The following ATAD3A variants were observed in gnomAD, a reference collection of about 807,000 sequenced individuals.
ATAD3A encodes the protein ATPase family AAA domain-containing protein 3A.
In ATAD3A, 46 loss-of-function variants were observed where a neutral mutation model predicts 73.8. That is an observed-to-expected ratio of 0.62 (90% CI 0.49 to 0.80). The LOEUF (loss-of-function observed/expected upper bound fraction) is 0.80. Ranked by LOEUF, ATAD3A falls within the 30% of genes least tolerant of loss-of-function variation. ATAD3A has a pLI of 0.00. For synonymous variants in ATAD3A, 319 were observed against 350.0 expected (o/e 0.91, Z 0.99); for missense variants, 705 against 838.0 (o/e 0.84, Z 1.96).
At chr1:1,514,147 G>C (rs192523565) in intron 1 of ATAD3A, among the ~76,000 whole-genome samples, 1 of 152,140 alleles carries the variant, frequency 6.6e-6, no homozygotes, top group African/African-American at 2.4e-5. Context: ...TCTAATAACC[G>C]AGAGGCCACA....
chr1:1,525,413 CTTTTTTT>C, intron 12 of ATAD3A, 122 bp downstream of exon 12: 3 of 745,684 alleles, frequency 4.0e-6, no homozygotes, highest in Non-Finnish European at 4.0e-6. Context: ...TGAAAAACAG[CTTTTTTT>C]TTTTTTTTTT....
intron 12 of ATAD3A, among the ~76,000 whole-genome samples, 160 bp downstream of exon 12, chr1:1,525,451 A>G (rs530248760): frequency 2.6e-4 from 35 of 136,382 alleles, no homozygotes; most frequent in African/African-American, 6.9e-4. Flanking sequence ...ATCTCGCTCT[A>G]TCACCCAGGC....
intron 1 of ATAD3A, among the ~76,000 whole-genome samples, chr1:1,514,515 C>G (rs1641293350): frequency 6.6e-6 from 1 of 152,190 alleles, no homozygotes. Context: ...TCACTGGGGC[C>G]CCCGAGGTTA....
At chr1:1,514,931 T>C (rs975629474) in intron 1 of ATAD3A, among the ~76,000 whole-genome samples, 11 of 152,162 alleles carry the variant, frequency 7.2e-5, no homozygotes, top group Admixed American at 6.5e-4. Flanking sequence ...TGGAGTGCAG[T>C]GGTGCAACCT....
At chr1:1,521,806 TCTC>T (rs1223216281) in intron 7 of ATAD3A, among the ~76,000 whole-genome samples, 4 of 152,160 alleles carry the variant, frequency 2.6e-5, no homozygotes, top group African/African-American at 9.7e-5. Flanking sequence ...TTCAAGCAGT[TCTC>T]CTGCCTCAGC....
chr1:1,523,749 G>C lies in ATAD3A; in HGVS notation c.964-90G>C. The C allele has an allele frequency of 5.0e-6, 8 of 1,597,708 alleles. No individual in the cohort carries two copies. Among genetic ancestry groups the C allele is most frequent in the Non-Finnish European group, 6.8e-6 (8 of 1,170,780 alleles). ...GAGGTGGGAGGCTTCCCGAGGAGCCGAGTCTGCACCCAGGCATTCCCGCAG... is the reference window on the plus strand; with the variant it reads ...GAGGTGGGAGGCTTCCCGAGGAGCCCAGTCTGCACCCAGGCATTCCCGCAG... On this transcript the variant is annotated intron_variant, in intron 9 of 15. Coordinates refer to ENST00000378756, the MANE Select transcript of ATAD3A (RefSeq NM_001170535.3). The surrounding 1 kb of genome is among the most constrained non-coding windows in gnomAD (Gnocchi z 5.1).
chr1:1,523,654 G>T lies in ATAD3A; in HGVS notation c.963+87G>T. 1 of 1,602,322 alleles carries T rather than the reference G, an allele frequency of 6.2e-7. No individual in the cohort carries two copies. Among genetic ancestry groups the T allele is most frequent in the South Asian group, 1.1e-5 (1 of 90,154 alleles). ...TGTGGCCCTTGCTGGCGCTCGTGGT[G>T]GCACCCAGGAGCTTTTGGGTCCTGA... is the stretch of plus-strand genomic sequence containing the variant. On this transcript the variant is annotated intron_variant, in intron 9 of 15. Coordinates refer to ENST00000378756, the MANE Select transcript of ATAD3A (RefSeq NM_001170535.3). This position sits in a 1 kb window ranked among gnomAD's most constrained non-coding sequence, Gnocchi z 5.1.
At chr1:1,512,534 G>C (rs1287444803) in intron 1 of ATAD3A, 61 bp downstream of exon 1, 71 of 1,372,930 alleles carry the variant, frequency 5.2e-5, no homozygotes, top group Non-Finnish European at 6.7e-5. Flanking sequence ...GGAAGCGGGA[G>C]CCCTGGCCCT....
intron 2 of ATAD3A, 46 bp downstream of exon 2, chr1:1,516,134 T>G: frequency 6.2e-7 from 1 of 1,610,794 alleles, no homozygotes; most frequent in Non-Finnish European, 8.5e-7. Context: ...GCACATGGGG[T>G]TCGGGCATGG....
chr1:1,515,597 T>C (rs1287360366), intron 1 of ATAD3A, among the ~76,000 whole-genome samples: 2 of 152,210 alleles, frequency 1.3e-5, no homozygotes, highest in Non-Finnish European at 2.9e-5. Flanking sequence ...TATCCTATTC[T>C]TATTCATTCC....
intron 4 of ATAD3A, 136 bp downstream of exon 4, chr1:1,517,911 A>C: frequency 8.5e-7 from 1 of 1,182,396 alleles, no homozygotes; most frequent in Non-Finnish European, 1.2e-6. Context: ...AGGGGAAACT[A>C]CTCGGACAGA....
At position 1,525,202 on chromosome 1, in the gene ATAD3A, G is replaced by A. The variant is rs10465906; in HGVS notation, c.1215-38G>A. On this transcript the variant is annotated intron_variant, in intron 11 of 15. Coordinates refer to ENST00000378756, the MANE Select transcript of ATAD3A (RefSeq NM_001170535.3). ...GACGCTGCTGTGGGCTGCTCCTGGT[G>A]TCACTCTCGCCCTGCTTGGCCTCCC... 1.3e-3 allele frequency: 2,155 copies of A among 1,612,638 alleles called. 28 individuals carry two copies. The African/African-American group carries it at 0.024, about 18-fold the overall frequency.
intron 14 of ATAD3A, among the ~76,000 whole-genome samples, chr1:1,528,487 AC>A (rs1234109952): frequency 6.6e-6 from 1 of 152,050 alleles, no homozygotes; most frequent in Admixed American, 6.5e-5. Flanking sequence ...CAGCTGCCAC[AC>A]CCGGCCCTGG....
chr1:1,515,970 C>A (rs779762222), intron 1 of ATAD3A, 42 bp from the exon 2 acceptor site: 1 of 1,611,290 alleles, frequency 6.2e-7, no homozygotes, highest in African/African-American at 1.3e-5. Context: ...CAGCGGCATC[C>A]GTGTATCCTA....
intron 14 of ATAD3A, among the ~76,000 whole-genome samples, chr1:1,528,100 C>T (rs1641913859): frequency 6.6e-6 from 1 of 151,928 alleles, no homozygotes; most frequent in African/African-American, 2.4e-5. Context: ...GCTGAGATTA[C>T]AGGCGCCCAC....
chr1:1,516,033 A>C lies in ATAD3A; in HGVS notation c.227A>C (p.Asn76Thr). Reference sequence around the variant, plus strand: ...GCAGGTTATGCCAAGGACGCCCTGAATCTGGCACAGATGCAGGAGCAGACG... The same window carrying C: ...GCAGGTTATGCCAAGGACGCCCTGACTCTGGCACAGATGCAGGAGCAGACG... Reference protein sequence around the residue: ...EHSRYAKDALNLAQMQEQTLQ... With the variant: ...EHSRYAKDALTLAQMQEQTLQ... Residue 76 changes from asparagine to threonine, a missense_variant, in exon 2 of 16, where the codon AAT (asparagine) becomes ACT (threonine). This residue lies in a region of ATAD3A where 125 missense variants were observed against 170.6 expected (regional missense o/e 0.73). Transcript: ENST00000378756. The C allele has an allele frequency of 1.2e-6, 2 of 1,614,066 alleles. No homozygotes were observed. The highest frequency in any genetic ancestry group is 1.7e-6 in the Non-Finnish European group (2 of 1,179,954).
intron 1 of ATAD3A, among the ~76,000 whole-genome samples, chr1:1,514,747 G>A (rs1321483585): frequency 6.6e-6 from 1 of 152,210 alleles, no homozygotes; most frequent in African/African-American, 2.4e-5. Flanking sequence ...GTTTGCTGCA[G>A]TTGACTCTGA....
At chr1:1,527,930 C>A in intron 14 of ATAD3A, 68 bp downstream of exon 14, 1 of 1,478,596 alleles carries the variant, frequency 6.8e-7, no homozygotes, top group Non-Finnish European at 9.1e-7. Context: ...ACCCACAGTC[C>A]ACCATCACTT....
At chr1:1,528,897 C>T (rs1436287753) in intron 14 of ATAD3A, among the ~76,000 whole-genome samples, 1 of 152,260 alleles carries the variant, frequency 6.6e-6, no homozygotes, top group Non-Finnish European at 1.5e-5. Context: ...GCTTCTGTGG[C>T]CTCCAGGCAG....
Sources: gnomAD v4.1 joint callset for allele counts (sites outside exome capture counted in the v4.1 genomes callset) on GRCh38, gnomAD v4.1.1 for gene constraint, gnomAD v4.1.1 regional missense constraint, Gnocchi (gnomAD v3.1) non-coding constraint, MANE v1.5 for transcripts, NCBI Gene and HGNC (gene_info 2026-07-23, HGNC 2026-07-21) for gene names.